The following CLDN10 variants were observed in gnomAD, a reference collection of about 807,000 sequenced individuals.
CLDN10 encodes claudin 10.
A neutral mutation model predicts 22.9 loss-of-function variants in CLDN10; 15 were observed. That is an observed-to-expected ratio of 0.65 (90% CI 0.44 to 1.01). The LOEUF is 1.01. CLDN10 is among the 50% of genes least tolerant of loss of function. CLDN10 has a pLI of 0.00. For synonymous variants in CLDN10, 114 were observed against 111.4 expected, an observed-to-expected ratio of 1.02 and a Z score of -0.15; for missense variants, 247 against 287.8, an observed-to-expected ratio of 0.86 and a Z score of 1.03.
At chr13:95,478,512 C>G (rs1323894774) in intron 1 of CLDN10, among the ~76,000 whole-genome samples, 1 of 152,126 alleles carries the variant, frequency 6.6e-6, no homozygotes, top group Non-Finnish European at 1.5e-5. Flanking sequence ...GACCAGAGAA[C>G]AGAGAAACAG....
intron 3 of CLDN10, among the ~76,000 whole-genome samples, chr13:95,573,812 G>C (rs1023429217): frequency 2.4e-4 from 36 of 151,476 alleles, no homozygotes; most frequent in African/African-American, 8.7e-4. Flanking sequence ...TGCCATGTTG[G>C]TTTGCTGTAC....
intron 1 of CLDN10, among the ~76,000 whole-genome samples, chr13:95,537,823 C>G (rs922318190): frequency 6.6e-6 from 1 of 152,158 alleles, no homozygotes; most frequent in Non-Finnish European, 1.5e-5. Context: ...AAACACTCAC[C>G]GGGGTAATTT....
intron 1 of CLDN10, among the ~76,000 whole-genome samples, chr13:95,447,116 C>T (rs998353476): frequency 6.6e-6 from 1 of 152,172 alleles, no homozygotes; most frequent in African/African-American, 2.4e-5. Context: ...GACCCGCCAT[C>T]CTACTGGGAG....
chr13:95,481,303 A>G (rs877961), intron 1 of CLDN10, among the ~76,000 whole-genome samples: 90,428 of 151,986 alleles, frequency 0.59, 28,131 homozygotes, highest in African/African-American at 0.79. Flanking sequence ...ACTGAGGGGA[A>G]GGGCAGCAGA....
chr13:95,559,155 C>G (rs2043673943), intron 1 of CLDN10, among the ~76,000 whole-genome samples: 1 of 152,174 alleles, frequency 6.6e-6, no homozygotes, highest in East Asian at 1.9e-4. Context: ...CAGATACTTA[C>G]TTACACCCGG....
chr13:95,455,241 A>G (rs2042471477), intron 1 of CLDN10, among the ~76,000 whole-genome samples: 1 of 152,048 alleles, frequency 6.6e-6, no homozygotes, highest in Non-Finnish European at 1.5e-5. Flanking sequence ...CCTGCAGCCT[A>G]TTGGCCAGTG....
At chr13:95,488,757 C>A (rs1037091148) in intron 1 of CLDN10, among the ~76,000 whole-genome samples, 1 of 151,984 alleles carries the variant, frequency 6.6e-6, no homozygotes, top group African/African-American at 2.4e-5. Context: ...TATATATATA[C>A]CACAATCTCT....
At chr13:95,538,889 TC>T (rs1367771801) in intron 1 of CLDN10, among the ~76,000 whole-genome samples, 2 of 151,566 alleles carry the variant, frequency 1.3e-5, no homozygotes, top group African/African-American at 2.4e-5. Flanking sequence ...AACATTTCTC[TC>T]TTTTTTTGAG....
intron 1 of CLDN10, among the ~76,000 whole-genome samples, chr13:95,516,404 T>A (rs2043168489): frequency 6.6e-6 from 1 of 152,170 alleles, no homozygotes. Context: ...GAGCAGCATA[T>A]TATGGTTTGT....
At chr13:95,545,746 T>C (rs2043502024) in intron 1 of CLDN10, among the ~76,000 whole-genome samples, 1 of 152,056 alleles carries the variant, frequency 6.6e-6, no homozygotes, top group African/African-American at 2.4e-5. Flanking sequence ...GAAAATGAAA[T>C]AAACATGAGA....
intron 1 of CLDN10, among the ~76,000 whole-genome samples, chr13:95,516,587 T>A (rs1472837885): frequency 6.6e-6 from 1 of 152,154 alleles, no homozygotes; most frequent in East Asian, 1.9e-4. Context: ...ATTTAAATGA[T>A]CCCCAAAGGA....
intron 1 of CLDN10, among the ~76,000 whole-genome samples, chr13:95,526,589 A>T (rs1401120566): frequency 6.6e-6 from 1 of 152,102 alleles, no homozygotes; most frequent in Non-Finnish European, 1.5e-5. Flanking sequence ...GCAAGAAGGG[A>T]CCAGCCTGGA....
At chr13:95,467,040 T>G (rs578216457) in intron 1 of CLDN10, among the ~76,000 whole-genome samples, 47,239 of 149,552 alleles carry the variant, frequency 0.32, 8,529 homozygotes, top group Non-Finnish European at 0.41. Flanking sequence ...CCATGCCCGT[T>G]TTTTTTTTTT....
At chr13:95,512,605 C>T (rs2043116570) in intron 1 of CLDN10, among the ~76,000 whole-genome samples, 1 of 152,112 alleles carries the variant, frequency 6.6e-6, no homozygotes, top group Non-Finnish European at 1.5e-5. Context: ...TGGGAATTTC[C>T]CAGGGGCCCA....
chr13:95,525,301 A>T, intron 1 of CLDN10, among the ~76,000 whole-genome samples: 1 of 152,032 alleles, frequency 6.6e-6, no homozygotes, highest in East Asian at 1.9e-4. Flanking sequence ...TTCTTTGGAG[A>T]AATGTCTATT....
At chr13:95,500,290 G>A (rs910012427) in intron 1 of CLDN10, among the ~76,000 whole-genome samples, 1 of 152,186 alleles carries the variant, frequency 6.6e-6, no homozygotes, top group African/African-American at 2.4e-5. Flanking sequence ...GAGTGAGGCG[G>A]GGTCTAAATA....
chr13:95,438,176 C>T (rs2042290070), intron 1 of CLDN10, among the ~76,000 whole-genome samples: 1 of 152,242 alleles, frequency 6.6e-6, no homozygotes, highest in African/African-American at 2.4e-5. Flanking sequence ...ATCTCAGCCT[C>T]CTGAGTAGCT....
chr13:95,512,642 C>G (rs1216645752), intron 1 of CLDN10, among the ~76,000 whole-genome samples: 1 of 152,200 alleles, frequency 6.6e-6, no homozygotes, highest in Non-Finnish European at 1.5e-5. Flanking sequence ...AGCCCTGTGC[C>G]ATGTCCCCCA....
intron 1 of CLDN10, among the ~76,000 whole-genome samples, chr13:95,451,302 C>T (rs2042429706): frequency 6.6e-6 from 1 of 152,216 alleles, no homozygotes; most frequent in Non-Finnish European, 1.5e-5. Flanking sequence ...GGGGCACACA[C>T]CTTCTTTCAT....
Sources: gnomAD v4.1 joint callset for allele counts (sites outside exome capture counted in the v4.1 genomes callset) on GRCh38, gnomAD v4.1.1 for gene constraint, MANE v1.5 for transcripts, NCBI Gene and HGNC (gene_info 2026-07-23, HGNC 2026-07-21) for gene names.